CTNNA2: variants seen among roughly 807,000 people sequenced by gnomAD.
CTNNA2 encodes the protein catenin alpha-2.
In CTNNA2, 42 loss-of-function variants were observed where a neutral mutation model predicts 101.0. That is an observed-to-expected ratio of 0.42 (90% CI 0.32 to 0.54). CTNNA2 has a LOEUF of 0.54. Among genes scored for constraint, CTNNA2 ranks in the 20% least tolerant of loss-of-function variants. CTNNA2 has a pLI of 0.14. For synonymous variants in CTNNA2, 450 were observed against 456.4 expected, an observed-to-expected ratio of 0.99 and a Z score of 0.18; for missense variants, 871 against 1,223.1, an observed-to-expected ratio of 0.71 and a Z score of 4.29.
chr2:80,647,975 C>T lies in CTNNA2; in HGVS notation c.*103C>T, dbSNP rs556936301. On this transcript the variant is annotated 3_prime_UTR_variant, in exon 19 of 19. Transcript: ENST00000402739. ...TACCTGCCAGCTCGTATGCCTCTGG[C>T]ATGGGGAAATTAAGGGAACAGTGTC... 7.1e-6 allele frequency: 8 copies of T among 1,122,364 alleles called. No individual in the cohort carries two copies. In the East Asian group the frequency reaches 1.5e-4, roughly 21 times the overall value. 69.5% of individuals were successfully genotyped at this position (1,122,364 alleles called of 1,614,324 possible).
chr2:80,497,084 C>T (rs771582253), intron 9 of CTNNA2, among the ~76,000 whole-genome samples: 46 of 151,954 alleles, frequency 3.0e-4, no homozygotes, highest in African/African-American at 1.1e-3. Flanking sequence ...AAGTAGAGCC[C>T]GAAAAGTTTT....
chr2:79,913,523 A>G (rs1264061227), intron 7 of CTNNA2, among the ~76,000 whole-genome samples: 1 of 152,172 alleles, frequency 6.6e-6, no homozygotes, highest in African/African-American at 2.4e-5. Flanking sequence ...TAGTGAGTGA[A>G]AAATGCCATG....
chr2:80,260,000 C>T (rs1672478189), intron 7 of CTNNA2, among the ~76,000 whole-genome samples: 1 of 152,174 alleles, frequency 6.6e-6, no homozygotes, highest in South Asian at 2.1e-4. Flanking sequence ...TAACTATGTT[C>T]CAGGTACTGT....
intron 2 of CTNNA2, among the ~76,000 whole-genome samples, chr2:79,297,934 G>A (rs538144886): frequency 6.6e-6 from 1 of 152,106 alleles, no homozygotes; most frequent in South Asian, 2.1e-4. Flanking sequence ...CTCCAAATCT[G>A]TAAAATCTGT....
chr2:80,258,345 A>T (rs531370696), intron 7 of CTNNA2, among the ~76,000 whole-genome samples: 22 of 152,324 alleles, frequency 1.4e-4, no homozygotes, highest in Admixed American at 1.3e-3. Context: ...CCTAAATCAA[A>T]GTAAATTTGT....
chr2:79,259,286 C>T (rs1338016691), intron 2 of CTNNA2, among the ~76,000 whole-genome samples: 1 of 152,126 alleles, frequency 6.6e-6, no homozygotes, highest in African/African-American at 2.4e-5. Flanking sequence ...TTTACTTCTC[C>T]ACCCCCTCCT....
At chr2:79,583,788 G>C (rs2103922348) in intron 1 of CTNNA2, among the ~76,000 whole-genome samples, 1 of 152,240 alleles carries the variant, frequency 6.6e-6, no homozygotes, top group Non-Finnish European at 1.5e-5. Flanking sequence ...ATGACTTGGA[G>C]ACTCTTATAG....
At chr2:79,892,114 T>G (rs968178438) in intron 6 of CTNNA2, among the ~76,000 whole-genome samples, 1 of 152,148 alleles carries the variant, frequency 6.6e-6, no homozygotes, top group African/African-American at 2.4e-5. Flanking sequence ...TTAACTATTT[T>G]TAAGTAGATA....
intron 3 of CTNNA2, among the ~76,000 whole-genome samples, chr2:79,747,927 A>G (rs1671753134): frequency 6.6e-6 from 1 of 152,246 alleles, no homozygotes; most frequent in Non-Finnish European, 1.5e-5. Flanking sequence ...AAGCATTACT[A>G]TAGTATGCAA....
At chr2:79,668,872 A>T (rs2104570949) in intron 2 of CTNNA2, among the ~76,000 whole-genome samples, 1 of 152,342 alleles carries the variant, frequency 6.6e-6, no homozygotes, top group South Asian at 2.1e-4. Flanking sequence ...TTAAACCAAA[A>T]GTTTCCAATC....
intron 4 of CTNNA2, chr2:79,499,202 A>G (rs928260208): frequency 6.6e-6 from 1 of 152,170 alleles, no homozygotes; most frequent in Non-Finnish European, 1.5e-5. Flanking sequence ...TCAGCACCAT[A>G]CACTTGCCAT....
At chr2:79,966,099 A>C (rs1371796231) in intron 7 of CTNNA2, among the ~76,000 whole-genome samples, 1 of 152,028 alleles carries the variant, frequency 6.6e-6, no homozygotes, top group Non-Finnish European at 1.5e-5. Context: ...AGTTTTTTTA[A>C]TATCATTTAT....
At chr2:80,279,325 C>A (rs925906647) in intron 7 of CTNNA2, among the ~76,000 whole-genome samples, 2 of 152,018 alleles carry the variant, frequency 1.3e-5, no homozygotes, top group African/African-American at 4.8e-5. Flanking sequence ...AGTTATATTT[C>A]TTTCATTTGT....
chr2:79,376,970 G>C lies in CTNNA2; in HGVS notation c.-135+2957G>C, dbSNP rs369234085. On this transcript the variant is annotated intron_variant, in intron 4 of 21. Transcript: ENST00000466387. Reference sequence around the variant, plus strand: ...TACGTGTGCGTGTGTCTTTATAGCAGCATGTTTTATAATCCTTTGGGTATA... The same window carrying C: ...TACGTGTGCGTGTGTCTTTATAGCACCATGTTTTATAATCCTTTGGGTATA... 4.6e-5 allele frequency among the ~76,000 whole-genome samples: 7 copies of C among 152,208 alleles called. No individual in the cohort carries two copies. In the South Asian group the frequency reaches 1.5e-3, roughly 32 times the overall value.
chr2:80,374,456 C>T (rs1227427797), intron 7 of CTNNA2, among the ~76,000 whole-genome samples: 1 of 152,044 alleles, frequency 6.6e-6, no homozygotes, highest in Non-Finnish European at 1.5e-5. Context: ...AACCAATTTA[C>T]CGTTCATGGG....
chr2:79,741,894 T>G (rs762490711), intron 2 of CTNNA2, among the ~76,000 whole-genome samples: 2 of 152,214 alleles, frequency 1.3e-5, no homozygotes, highest in Non-Finnish European at 2.9e-5. Flanking sequence ...GTGAAAAGCA[T>G]TGACAATTGT....
chr2:79,717,482 T>C (rs933788651), intron 2 of CTNNA2, among the ~76,000 whole-genome samples: 4 of 152,162 alleles, frequency 2.6e-5, no homozygotes, highest in African/African-American at 9.7e-5. Context: ...CTGGGTATGC[T>C]AGGCCAGGGA....
At chr2:80,086,425 A>G (rs950500069) in intron 7 of CTNNA2, among the ~76,000 whole-genome samples, 2 of 152,214 alleles carry the variant, frequency 1.3e-5, no homozygotes, top group Middle Eastern at 6.8e-3. Flanking sequence ...TGAGATGGTA[A>G]ACTGGGGTCA....
chr2:80,060,291 C>A (rs1697490677), intron 7 of CTNNA2, among the ~76,000 whole-genome samples: 1 of 152,168 alleles, frequency 6.6e-6, no homozygotes, highest in Non-Finnish European at 1.5e-5. Context: ...ACTGGGCTCT[C>A]ACCATAGATG....
Sources: gnomAD v4.1 joint callset for allele counts (sites outside exome capture counted in the v4.1 genomes callset) on GRCh38, gnomAD v4.1.1 for gene constraint, MANE v1.5 for transcripts, NCBI Gene and HGNC (gene_info 2026-07-23, HGNC 2026-07-21) for gene names.